Variants in MSRB2 observed in about 807,000 individuals in gnomAD.
The protein encoded by MSRB2 is methionine-R-sulfoxide reductase B2, mitochondrial.
A neutral mutation model predicts 19.0 loss-of-function variants in MSRB2; 17 were observed. The ratio of observed to expected loss-of-function variants is 0.89; its 90% confidence interval spans 0.61 to 1.34. The LOEUF (loss-of-function observed/expected upper bound fraction) is 1.34, where lower values mean the gene tolerates loss of function less well. Among genes scored for constraint, MSRB2 ranks in the 40% most tolerant of loss-of-function variants. The probability of loss-of-function intolerance (pLI) is 0.00; values close to 1 mark genes in which losing one functional copy is unlikely to be tolerated. For synonymous variants in MSRB2, 107 were observed against 99.7 expected (o/e 1.07, Z -0.44); for missense variants, 208 against 237.6 (o/e 0.88, Z 0.82).
chr10:23,121,019 C>T lies in MSRB2; in HGVS notation c.*157C>T. ...TTCTCTTAATTTATTTACCTGGAATCAACTTAATCCTGTGTGTTAGGCTGT... is the reference window on the plus strand; with the variant it reads ...TTCTCTTAATTTATTTACCTGGAATTAACTTAATCCTGTGTGTTAGGCTGT... On this transcript the variant is annotated 3_prime_UTR_variant, in exon 5 of 5. Transcript: ENST00000376510. The T allele has an allele frequency of 1.6e-6, 1 of 608,710 alleles. No homozygotes were observed. The highest frequency in any genetic ancestry group is 2.8e-5 in the East Asian group (1 of 35,834). The allele number at this position is 608,710 out of a possible 1,614,324, so 37.7% of individuals were successfully genotyped here. A position where few individuals can be genotyped will look rare whatever the true frequency, so the allele number is the denominator to read the frequency against.
intron 4 of MSRB2, 136 bp from the exon 5 acceptor site, chr10:23,120,622 G>A (rs370113420): frequency 9.2e-6 from 5 of 542,328 alleles, no homozygotes; most frequent in African/African-American, 5.7e-5. Context: ...AATTGAATTC[G>A]GATGCAATAG....
intron 2 of MSRB2, among the ~76,000 whole-genome samples, chr10:23,105,089 A>G (rs1443878758): frequency 1.3e-5 from 2 of 152,128 alleles, no homozygotes; most frequent in African/African-American, 4.8e-5. Context: ...AGGTGGAAAC[A>G]TTATTTAAAC....
Position 23,104,967 on chromosome 10 carries a change from C to T in MSRB2, c.219+723C>T, listed in dbSNP as rs533000601. On this transcript the variant is annotated intron_variant, in intron 2 of 4. Transcript: ENST00000376510. Reference sequence around the variant, plus strand: ...TAGGGTTGCTTCTAGCAGAACTCTTCCTTCATAGCATTTGCCATCACTGCT... The same window carrying T: ...TAGGGTTGCTTCTAGCAGAACTCTTTCTTCATAGCATTTGCCATCACTGCT... 2.0e-5 allele frequency among the ~76,000 whole-genome samples: 3 copies of T among 152,308 alleles called. No individual in the cohort carries two copies. The South Asian group carries it at 6.2e-4, about 32-fold the overall frequency.
Position 23,110,275 on chromosome 10 carries a change from G to A in MSRB2, c.253G>A (p.Ala85Thr). The change falls in exon 3 of 5, where the codon GCA (alanine) becomes ACA (threonine). Residue 85 changes from alanine (A) to threonine (T), a missense_variant. Coordinates refer to ENST00000376510, the MANE Select transcript of MSRB2 (RefSeq NM_012228.4). ...TGGGATCTACCTGAATAACAAGGAA[G>A]CAGGAATGTATCATTGCGTGTGCTG... ...FSGIYLNNKE[A>T]GMYHCVCCDS... 6.2e-7 allele frequency: 1 copy of A among 1,613,972 alleles called. No homozygotes were observed. The highest frequency in any genetic ancestry group is 8.5e-7 in the Non-Finnish European group (1 of 1,179,924).
intron 1 of MSRB2, among the ~76,000 whole-genome samples, chr10:23,096,309 C>G (rs1376597098): frequency 7.4e-6 from 1 of 135,848 alleles, no homozygotes; most frequent in Non-Finnish European, 1.6e-5. Flanking sequence ...ATGACTGAGA[C>G]AGAGACCAGG....
At position 23,095,652 on chromosome 10, in the gene MSRB2, C is replaced by T. The variant is rs755965887; in HGVS notation, c.44C>T (p.Thr15Ile). The T allele has an allele frequency of 5.3e-5, 76 of 1,434,804 alleles. No homozygotes were observed. In the African/African-American group the frequency reaches 1.1e-3, roughly 20 times the overall value. The allele number at this position is 1,434,804 out of a possible 1,614,324, so 88.9% of individuals were successfully genotyped here. ...LWLLRGLTLGTAPRRAVRGQA... is the reference protein window; with the variant it reads ...LWLLRGLTLGIAPRRAVRGQA... ...TTGCTCCGGGGCCTGACCCTCGGAACTGCGCCTCGGCGGGCGGTGCGGGGC... is the reference window on the plus strand; with the variant it reads ...TTGCTCCGGGGCCTGACCCTCGGAATTGCGCCTCGGCGGGCGGTGCGGGGC... The change falls in exon 1 of 5, where the codon ACT becomes ATT. Residue 15 changes from threonine (T) to isoleucine (I), a missense_variant. Coordinates refer to ENST00000376510, the MANE Select transcript of MSRB2 (RefSeq NM_012228.4).
intron 3 of MSRB2, among the ~76,000 whole-genome samples, chr10:23,113,985 C>T (rs769065631): frequency 2.0e-5 from 3 of 152,104 alleles, no homozygotes; most frequent in African/African-American, 4.8e-5. Flanking sequence ...TCCATAAGTA[C>T]GTATTGATTG....
At position 23,119,458 on chromosome 10, in the gene MSRB2, T is replaced by C. The variant is rs781169428; in HGVS notation, c.444+7T>C. The C allele has an allele frequency of 1.2e-5, 20 of 1,610,186 alleles. No individual in the cohort carries two copies. Among genetic ancestry groups the C allele is most frequent in the Admixed American group, 8.4e-5 (5 of 59,722 alleles). ...AGAGGTTGTCTGCAAGCAGGTGAGGTTTCTCATTTTGTTTTACTTTCCCTG... is the reference window on the plus strand; with the variant it reads ...AGAGGTTGTCTGCAAGCAGGTGAGGCTTCTCATTTTGTTTTACTTTCCCTG... On this transcript the variant is annotated splice_region_variant and intron_variant, in intron 4 of 4. Transcript: ENST00000376510.
chr10:23,119,316 G>C lies in MSRB2; in HGVS notation c.309G>C (p.Lys103Asn). 10 of 1,614,076 alleles carry C rather than the reference G, an allele frequency of 6.2e-6. No individual in the cohort carries two copies. Among genetic ancestry groups the C allele is most frequent in the Non-Finnish European group, 7.6e-6 (9 of 1,179,980 alleles). Residue 103 changes from lysine to asparagine, a missense_variant, in exon 4 of 5, where the codon AAG (lysine) becomes AAC (asparagine). Lys to Asn is a moderately conservative substitution (Grantham distance 94). Transcript: ENST00000376510. The stretch of plus-strand genomic sequence containing the variant: ...ATGTCTTCCACAGTTCTGAGAAAAA[G>C]TACTGCTCTGGCACTGGGTGGCCTT... The part of the protein sequence containing the change: ...CDSPLFSSEK[K>N]YCSGTGWPSF...
chr10:23,119,202 G>A, intron 3 of MSRB2, 102 bp from the exon 4 acceptor site: 1 of 1,423,838 alleles, frequency 7.0e-7, no homozygotes, highest in South Asian at 1.2e-5. Flanking sequence ...GCAGAGGAGA[G>A]TGGGAACAGA....
intron 3 of MSRB2, among the ~76,000 whole-genome samples, chr10:23,118,043 G>A (rs899859113): frequency 1.3e-5 from 2 of 151,914 alleles, no homozygotes; most frequent in African/African-American, 4.8e-5. Flanking sequence ...CAGATAAGGG[G>A]CACTCAACCT....
At chr10:23,095,777 A>T (rs1839854360) in intron 1 of MSRB2, 51 bp downstream of exon 1, 2 of 1,176,764 alleles carry the variant, frequency 1.7e-6, no homozygotes, top group South Asian at 7.3e-5. Flanking sequence ...TTTCGGCTTC[A>T]TTTCACCGGC....
At chr10:23,098,732 C>G (rs551434528) in intron 1 of MSRB2, among the ~76,000 whole-genome samples, 1 of 152,324 alleles carries the variant, frequency 6.6e-6, no homozygotes, top group South Asian at 2.1e-4. Context: ...TTACACGTGC[C>G]TAAATTGCTG....
rs201618951 is a variant in MSRB2 at position 23,104,145 on chromosome 10, G to A, written c.120G>A (p.Gly40=). The A allele has an allele frequency of 1.6e-5, 26 of 1,611,174 alleles. No individual in the cohort carries two copies. Among genetic ancestry groups the A allele is most frequent in the Non-Finnish European group, 1.7e-6 (2 of 1,178,988 alleles). Residue 40 remains glycine, a splice_region_variant and synonymous_variant, in exon 2 of 5, where the codon GGG becomes GGA. Transcript: ENST00000376510. ...PGTGPGLGEA[G]SLATCELPLA... ...TAAAATTCCTGTTTAACAATACAGG[G>A]TCTCTTGCAACGTGTGAGCTGCCTC...
At chr10:23,114,012 C>T (rs1840082879) in intron 3 of MSRB2, among the ~76,000 whole-genome samples, 2 of 152,092 alleles carry the variant, frequency 1.3e-5, no homozygotes, top group Admixed American at 1.3e-4. Flanking sequence ...TAATAATATC[C>T]ATCCTGCTGC....
rs565168231 is a variant in MSRB2, at chr10:23,101,665, G to C, written c.119-2479G>C. 7.2e-5 allele frequency among the ~76,000 whole-genome samples: 11 copies of C among 152,320 alleles called. No homozygotes were observed. The South Asian group carries it at 1.7e-3, about 23-fold the overall frequency. ...AACACTCATTGCAGAGAAATGGGAA[G>C]AGAGCTGACTGGGGAAAGATGGTTC... On this transcript the variant is annotated intron_variant, in intron 1 of 4. Transcript: ENST00000376510.
intron 3 of MSRB2, among the ~76,000 whole-genome samples, chr10:23,114,841 G>A (rs1322158847): frequency 2.0e-5 from 3 of 152,152 alleles, no homozygotes; most frequent in Non-Finnish European, 2.9e-5. Context: ...TTGGACTCCA[G>A]AGCCCACATT....
rs1391448470 is a variant in MSRB2 at position 23,110,253 on chromosome 10, G to A, written c.231G>A (p.Gly77=). ...TAATTTACTTTCAGCCTTTCAGTGG[G>A]ATCTACCTGAATAACAAGGAAGCAG... ...REKGTEPPFS[G]IYLNNKEAGM... is the part of the protein sequence containing the mutation. The change falls in exon 3 of 5, where the codon GGG becomes GGA. Residue 77 remains glycine (G), a synonymous_variant. Transcript: ENST00000376510. 6 of 1,613,550 alleles carry A rather than the reference G, an allele frequency of 3.7e-6. No homozygotes were observed. In the South Asian group the frequency reaches 6.6e-5, roughly 18 times the overall value.
At chr10:23,110,903 A>T (rs534942781) in intron 3 of MSRB2, among the ~76,000 whole-genome samples, 1 of 152,284 alleles carries the variant, frequency 6.6e-6, no homozygotes. Flanking sequence ...TTTTGTTTAG[A>T]CATGCAGGAA....
Sources: allele counts gnomAD v4.1 joint callset (sites outside exome capture counted in the v4.1 genomes callset), GRCh38; gene constraint gnomAD v4.1.1; transcripts MANE v1.5; gene names NCBI Gene and HGNC (gene_info 2026-07-23, HGNC 2026-07-21).